The following NELL1 variants were observed in gnomAD, a reference collection of about 807,000 sequenced individuals.
NELL1 encodes protein kinase C-binding protein NELL1.
Under a neutral mutation model 107.4 loss-of-function variants are expected in NELL1, and 76 were observed. The observed-to-expected ratio is 0.71, with a 90% CI of 0.59 to 0.86. The LOEUF (loss-of-function observed/expected upper bound fraction) is 0.86. NELL1 is among the 40% of genes least tolerant of loss of function. The probability of loss-of-function intolerance (pLI) is 0.00; values close to 1 mark genes in which losing one functional copy is unlikely to be tolerated. For missense variants in NELL1, 1,024 were observed against 1,005.5 expected, an observed-to-expected ratio of 1.02 and a Z score of -0.25; for synonymous variants, 353 against 341.2, an observed-to-expected ratio of 1.03 and a Z score of -0.38.
chr11:20,805,935 G>A (rs1271940680), intron 3 of NELL1, among the ~76,000 whole-genome samples: 2 of 152,012 alleles, frequency 1.3e-5, no homozygotes, highest in South Asian at 2.1e-4. Context: ...ATATCTTATT[G>A]TACTGTTTCT....
chr11:20,845,398 G>A (rs1848686013), intron 3 of NELL1, among the ~76,000 whole-genome samples: 1 of 152,062 alleles, frequency 6.6e-6, no homozygotes, highest in African/African-American at 2.4e-5. Flanking sequence ...AAATGTATTT[G>A]CCTCCCTCTT....
chr11:20,872,048 G>T (rs1849210421), intron 4 of NELL1, among the ~76,000 whole-genome samples: 1 of 146,492 alleles, frequency 6.8e-6, no homozygotes, highest in African/African-American at 2.5e-5. Flanking sequence ...AAAAAGAAGA[G>T]GCCCAACTAC....
chr11:21,508,880 CTG>C (rs1289367946), intron 15 of NELL1, among the ~76,000 whole-genome samples: 2 of 152,026 alleles, frequency 1.3e-5, no homozygotes, highest in Non-Finnish European at 2.9e-5. Flanking sequence ...TAATCTATAA[CTG>C]TTTTGAAAAA....
rs1435830365 is a variant in NELL1, at chr11:21,534,688, AGTGGGG to A, written c.1786+175_1786+180del. 2.0e-5 allele frequency among the ~76,000 whole-genome samples: 3 copies of A among 152,228 alleles called. No individual in the cohort carries two copies. The East Asian group carries it at 5.8e-4, about 29-fold the overall frequency. ...AGGGATTAGGCCAGGGATCATGCAA[AGTGGGG>A]TGCTAGAATTTTTATATAGAAACTG... is the stretch of plus-strand genomic sequence containing the variant. On this transcript the variant is annotated intron_variant, in intron 16 of 19. Coordinates refer to ENST00000357134, the MANE Select transcript of NELL1 (RefSeq NM_006157.5).
At chr11:21,078,229 T>C (rs1188902658) in intron 12 of NELL1, among the ~76,000 whole-genome samples, 1 of 152,010 alleles carries the variant, frequency 6.6e-6, no homozygotes, top group Non-Finnish European at 1.5e-5. Flanking sequence ...ATGGAGAAAA[T>C]TATGTGATTC....
intron 14 of NELL1, among the ~76,000 whole-genome samples, chr11:21,273,333 CGAGAA>C (rs1456278732): frequency 6.6e-6 from 1 of 151,638 alleles, no homozygotes; most frequent in South Asian, 2.1e-4. Context: ...TGAAATGAAG[CGAGAA>C]GAGAAGTTTA....
chr11:20,713,501 T>G (rs1036992179), intron 2 of NELL1, among the ~76,000 whole-genome samples: 11 of 152,172 alleles, frequency 7.2e-5, no homozygotes, highest in African/African-American at 2.7e-4. Flanking sequence ...TTGGTGAGGC[T>G]GGTCTTGCTC....
intron 14 of NELL1, among the ~76,000 whole-genome samples, chr11:21,335,873 G>T (rs1436559423): frequency 1.3e-5 from 2 of 151,990 alleles, no homozygotes; most frequent in Non-Finnish European, 2.9e-5. Context: ...CAGCCCAAAA[G>T]ACAGAGGCAA....
intron 13 of NELL1, among the ~76,000 whole-genome samples, chr11:21,160,210 A>T (rs563490179): frequency 1.3e-5 from 2 of 152,372 alleles, no homozygotes; most frequent in African/African-American, 4.8e-5. Context: ...GGTAATTTAA[A>T]GTATCAAAAA....
At chr11:21,354,502 G>T (rs34945479) in intron 14 of NELL1, among the ~76,000 whole-genome samples, 3,369 of 152,166 alleles carry the variant, frequency 0.022, 57 homozygotes, top group Non-Finnish European at 0.034. Context: ...CTGGAATTTA[G>T]TCTCAGCCTC....
chr11:20,876,403 C>A (rs1849304828), intron 4 of NELL1, among the ~76,000 whole-genome samples: 1 of 152,194 alleles, frequency 6.6e-6, no homozygotes, highest in Non-Finnish European at 1.5e-5. Flanking sequence ...CTGGTTTCAG[C>A]CCTGTGTGCT....
intron 4 of NELL1, among the ~76,000 whole-genome samples, chr11:20,870,688 A>G (rs558927685): frequency 6.6e-6 from 1 of 152,316 alleles, no homozygotes; most frequent in East Asian, 1.9e-4. Context: ...TCCACAATGA[A>G]CAATAACTTT....
chr11:20,931,479 G>A (rs537213255), intron 9 of NELL1, among the ~76,000 whole-genome samples: 1 of 152,214 alleles, frequency 6.6e-6, no homozygotes, highest in East Asian at 1.9e-4. Flanking sequence ...TAATGCATAT[G>A]TTAGTTAGTT....
chr11:21,552,149 A>AG (rs2133991277), intron 16 of NELL1, among the ~76,000 whole-genome samples: 2 of 76,014 alleles, frequency 2.6e-5, no homozygotes, highest in South Asian at 1.2e-3. Context: ...GGGTGGGGGG[A>AG]GGGGGGAGGG....
intron 13 of NELL1, among the ~76,000 whole-genome samples, chr11:21,139,464 C>T (rs1005522355): frequency 5.3e-5 from 8 of 152,180 alleles, no homozygotes; most frequent in Non-Finnish European, 7.3e-5. Flanking sequence ...CTGTCACTTG[C>T]TTTCTCCTCT....
intron 12 of NELL1, among the ~76,000 whole-genome samples, chr11:21,007,596 C>T (rs1852357027): frequency 6.6e-6 from 1 of 151,638 alleles, no homozygotes; most frequent in African/African-American, 2.4e-5. Flanking sequence ...TCTAAGATTT[C>T]TTTTTTTGTT....
intron 13 of NELL1, among the ~76,000 whole-genome samples, chr11:21,117,597 G>A (rs890296035): frequency 2.0e-5 from 3 of 151,996 alleles, no homozygotes; most frequent in African/African-American, 7.2e-5. Flanking sequence ...GTAAGGATAG[G>A]ATGTTCTGTA....
Position 20,918,222 on chromosome 11 carries a change from G to T in NELL1, c.644G>T (p.Gly215Val). 1 of 1,598,538 alleles carries T rather than the reference G, an allele frequency of 6.3e-7. No homozygotes were observed. The highest frequency in any genetic ancestry group is 2.2e-5 in the East Asian group (1 of 44,718). Reference protein sequence around the residue: ...QDGKIIFMPNGYITQCPNLNH... With the variant: ...QDGKIIFMPNVYITQCPNLNH... ...GGGAAGATCATCTTTATGCCGAATG[G>T]ATATATAACACAGTGTCCAAATCTA... Residue 215 changes from glycine (G) to valine (V), a missense_variant, in exon 6 of 20, where the codon GGA becomes GTA. Gly to Val is a moderately radical substitution (Grantham distance 109). Coordinates refer to ENST00000357134, the MANE Select transcript of NELL1 (RefSeq NM_006157.5).
intron 15 of NELL1, among the ~76,000 whole-genome samples, chr11:21,407,612 A>G (rs924178873): frequency 1.7e-4 from 26 of 150,934 alleles, no homozygotes; most frequent in African/African-American, 4.4e-4. Flanking sequence ...TAATTATTCA[A>G]TGTCTCTCTA....
Sources: gnomAD v4.1 joint callset for allele counts (sites outside exome capture counted in the v4.1 genomes callset) on GRCh38, gnomAD v4.1.1 for gene constraint, MANE v1.5 for transcripts, NCBI Gene and HGNC (gene_info 2026-07-23, HGNC 2026-07-21) for gene names.